The following MAP4K5 variants were observed in gnomAD, a reference collection of about 807,000 sequenced individuals.
MAP4K5 encodes mitogen-activated protein kinase kinase kinase kinase 5, also known as MAPK/ERK kinase kinase kinase 5.
MAP4K5 carries 82 observed loss-of-function variants against 135.6 expected under a neutral mutation model. The observed-to-expected ratio is 0.60, with a 90% CI of 0.51 to 0.73. The LOEUF is 0.73. Ranked by LOEUF, MAP4K5 falls within the 30% of genes least tolerant of loss-of-function variation. The probability of loss-of-function intolerance (pLI) is 0.00; values close to 1 mark genes in which losing one functional copy is unlikely to be tolerated. For synonymous variants in MAP4K5, 347 were observed against 335.0 expected (o/e 1.04, Z -0.39); for missense variants, 907 against 1,010.9 (o/e 0.90, Z 1.39).
intron 1 of MAP4K5, among the ~76,000 whole-genome samples, chr14:50,545,408 A>G (rs2038618425): frequency 4.6e-5 from 7 of 152,118 alleles, no homozygotes; most frequent in Admixed American, 2.0e-4. Flanking sequence ...CCAAAGGGAG[A>G]TTCAGGAAGG....
At chr14:50,542,637 A>C (rs1338045827) in intron 1 of MAP4K5, 1 of 152,040 alleles carries the variant, frequency 6.6e-6, no homozygotes, top group Non-Finnish European at 1.5e-5. Context: ...ACCTGCCCTT[A>C]CTTCTTTGCC....
chr14:50,486,945 T>C (rs934553770), intron 3 of MAP4K5, among the ~76,000 whole-genome samples: 1 of 152,080 alleles, frequency 6.6e-6, no homozygotes, highest in East Asian at 1.9e-4. Context: ...TAGAAAAACA[T>C]ACAAGGCCAA....
At chr14:50,423,046 A>G in intron 32 of MAP4K5, 75 bp downstream of exon 32, 1 of 654,076 alleles carries the variant, frequency 1.5e-6, no homozygotes, top group African/African-American at 1.8e-5. Context: ...TGAAACAATT[A>G]CAGACTGACA....
At chr14:50,464,762 A>G (rs1335200835) in intron 11 of MAP4K5, among the ~76,000 whole-genome samples, 1 of 152,228 alleles carries the variant, frequency 6.6e-6, no homozygotes, top group Non-Finnish European at 1.5e-5. Flanking sequence ...GTATGAAATA[A>G]CCGTATTTAT....
intron 3 of MAP4K5, 26 bp downstream of exon 3, chr14:50,504,774 A>G: frequency 6.7e-7 from 1 of 1,494,620 alleles, no homozygotes; most frequent in Middle Eastern, 1.7e-4. Flanking sequence ...ACCCTCAAAA[A>G]TTGTCTTGAG....
intron 3 of MAP4K5, among the ~76,000 whole-genome samples, chr14:50,492,845 T>C (rs1429314668): frequency 1.3e-5 from 2 of 151,958 alleles, no homozygotes; most frequent in African/African-American, 4.8e-5. Context: ...AATATACTTA[T>C]CTTAGAAAAG....
At chr14:50,518,605 T>C in intron 2 of MAP4K5, among the ~76,000 whole-genome samples, 1 of 152,210 alleles carries the variant, frequency 6.6e-6, no homozygotes, top group East Asian at 1.9e-4. Context: ...ACTGCACAAT[T>C]TCCCCACTCC....
At chr14:50,548,465 GC>G (rs2038662090) in intron 1 of MAP4K5, among the ~76,000 whole-genome samples, 1 of 152,150 alleles carries the variant, frequency 6.6e-6, no homozygotes, top group Non-Finnish European at 1.5e-5. Context: ...AGGGTTTGTG[GC>G]AAAAGCAGCC....
chr14:50,457,829 C>T (rs1485577488), intron 13 of MAP4K5, among the ~76,000 whole-genome samples: 1 of 152,192 alleles, frequency 6.6e-6, no homozygotes, highest in Non-Finnish European at 1.5e-5. Context: ...CAACATCTCT[C>T]CTTATCCAGT....
chr14:50,444,993 A>C (rs575899899), intron 18 of MAP4K5, 48 bp downstream of exon 18: 19 of 1,548,258 alleles, frequency 1.2e-5, no homozygotes, highest in Non-Finnish European at 1.7e-5. Flanking sequence ...CCCAGATAAC[A>C]ATATCTAGCC....
At chr14:50,446,436 G>A (rs1006959332) in intron 16 of MAP4K5, among the ~76,000 whole-genome samples, 5 of 152,118 alleles carry the variant, frequency 3.3e-5, no homozygotes, top group Non-Finnish European at 7.4e-5. Flanking sequence ...TTTAGAGTTG[G>A]GACCCATAGA....
At chr14:50,460,171 T>C (rs2036679699) in intron 13 of MAP4K5, among the ~76,000 whole-genome samples, 1 of 152,192 alleles carries the variant, frequency 6.6e-6, no homozygotes, top group Non-Finnish European at 1.5e-5. Flanking sequence ...GTGAGTTTTT[T>C]CCAGTCCCTA....
At chr14:50,470,050 T>A (rs2036922660) in intron 9 of MAP4K5, among the ~76,000 whole-genome samples, 1 of 152,134 alleles carries the variant, frequency 6.6e-6, no homozygotes, top group South Asian at 2.1e-4. Context: ...AAGTAAACAA[T>A]CACCACGGAG....
chr14:50,452,937 G>A (rs2036522955), intron 14 of MAP4K5, among the ~76,000 whole-genome samples: 1 of 152,188 alleles, frequency 6.6e-6, no homozygotes, highest in Non-Finnish European at 1.5e-5. Context: ...ACTTTAACCT[G>A]CAACAACAGT....
In MAP4K5 at chr14:50,428,757, TA is replaced by T. The variant is rs752771860; in HGVS notation, c.2234-4del. 25,015 of 1,039,556 alleles carry T rather than the reference TA, an allele frequency of 0.024. No homozygotes were observed. Among genetic ancestry groups the T allele is most frequent in the South Asian group, 0.032 (1,667 of 52,326 alleles). 64.4% of individuals were successfully genotyped at this position (1,039,556 alleles called of 1,614,324 possible). A position where few individuals can be genotyped will look rare whatever the true frequency, so the allele number is the denominator to read the frequency against. The stretch of plus-strand genomic sequence containing the variant: ...TAGATTTACAATTTTCACAAATTCT[TA>T]AAAAAAAAAAACAAGTCAAGACTGG... On this transcript the variant is annotated splice_region_variant and splice_polypyrimidine_tract_variant and intron_variant, in intron 29 of 32. Transcript: ENST00000682126.
chr14:50,437,430 T>C, intron 26 of MAP4K5, 46 bp downstream of exon 26: 2 of 1,367,246 alleles, frequency 1.5e-6, no homozygotes, highest in South Asian at 2.5e-5. Flanking sequence ...ATTATAAAGA[T>C]GTTAAAAGTT....
rs372774518 is a variant in MAP4K5, at chr14:50,434,498, A to G, written c.2060T>C (p.Met687Thr). 1 of 1,607,822 alleles carries G rather than the reference A, an allele frequency of 6.2e-7. No homozygotes were observed. The highest frequency in any genetic ancestry group is 2.2e-5 in the East Asian group (1 of 44,706). Reference protein sequence around the residue: ...MLVIPEQEYPMVCVAISKGTE... With the variant: ...MLVIPEQEYPTVCVAISKGTE... The stretch of plus-strand genomic sequence containing the variant: ...GCCTTTGCTAATAGCTACACAGACC[A>G]TAGGGTATTCCTGTTCAGGTATCAC... The change falls in exon 28 of 33, where the codon ATG becomes ACG. Residue 687 changes from methionine (M) to threonine (T), a missense_variant. This residue lies in a region of MAP4K5 where 690 missense variants were observed against 777.4 expected (regional missense o/e 0.89). Coordinates refer to ENST00000682126, the MANE Select transcript of MAP4K5 (RefSeq NM_006575.6).
At chr14:50,489,628 C>A (rs1320995311) in intron 3 of MAP4K5, among the ~76,000 whole-genome samples, 1 of 152,158 alleles carries the variant, frequency 6.6e-6, no homozygotes, top group Admixed American at 6.5e-5. Context: ...CTGATCATAG[C>A]CCTCCTAACA....
intron 3 of MAP4K5, among the ~76,000 whole-genome samples, chr14:50,492,403 G>T (rs1349480715): frequency 6.6e-6 from 1 of 151,870 alleles, no homozygotes; most frequent in East Asian, 1.9e-4. Context: ...ACCAGCCTGG[G>T]CAACATAGCA....
Sources: allele counts gnomAD v4.1 joint callset (sites outside exome capture counted in the v4.1 genomes callset), GRCh38; gene constraint gnomAD v4.1.1; regional missense constraint gnomAD v4.1.1; transcripts MANE v1.5; gene names NCBI Gene and HGNC (gene_info 2026-07-23, HGNC 2026-07-21).